Variants in ZFP57 observed in about 807,000 individuals in gnomAD.
The protein encoded by ZFP57 is zinc finger protein 57 homolog.
A neutral mutation model predicts 15.8 loss-of-function variants in ZFP57; 12 were observed. The ratio of observed to expected loss-of-function variants is 0.76; its 90% CI spans 0.49 to 1.23. The LOEUF is 1.23. ZFP57 is among the 50% of genes most tolerant of loss of function. The pLI is 0.00. For missense variants in ZFP57, 536 were observed against 654.9 expected (o/e 0.82, Z 1.98); for synonymous variants, 203 against 242.3 (o/e 0.84, Z 1.51).
Position 29,673,803 on chromosome 6 carries a change from T to C in ZFP57, c.353-45A>G. The stretch of plus-strand genomic sequence containing the variant: ...ATAACACAAAATTCACTGTAAGAAC[T>C]CCAACAGAGGCTTGGCATGGTGGCT... On this transcript the variant is annotated intron_variant, in intron 4 of 4. Transcript: ENST00000376883. The surrounding 1 kb of genome is among the most constrained non-coding windows in gnomAD (Gnocchi z 4.7). The C allele has an allele frequency of 6.2e-7, 1 of 1,610,368 alleles. No homozygotes were observed. Among genetic ancestry groups the C allele is most frequent in the Non-Finnish European group, 8.5e-7 (1 of 1,178,002 alleles).
rs1237022199 is a variant in ZFP57 at position 29,681,107 on chromosome 6, G to A, written c.-409C>T. The A allele has an allele frequency of 6.6e-6, 1 of 151,968 alleles. No homozygotes were observed. Among genetic ancestry groups the A allele is most frequent in the African/African-American group, 2.4e-5 (1 of 41,344 alleles). The allele number at this position is 151,968 out of a possible 1,614,324, so 9.4% of individuals were successfully genotyped here. On this transcript the variant is annotated 5_prime_UTR_variant, in exon 1 of 5. Coordinates refer to ENST00000376883, the MANE Select transcript of ZFP57 (RefSeq NM_001109809.5). ...CGATTTAGGGGCACAGGGTCTCCCGGGGACCAGCGGCTGGAGCGCTCCGGC... is the reference window on the plus strand; with the variant it reads ...CGATTTAGGGGCACAGGGTCTCCCGAGGACCAGCGGCTGGAGCGCTCCGGC...
chr6:29,672,693 T>C lies in ZFP57; in HGVS notation c.1418A>G (p.His473Arg). ...CTGGCCCAGGATCACCCGGCATTTA[T>C]GGTGGCTGCTCTGGCACAGGTCCTT... Reference protein sequence around the residue: ...KGKDLCQSSHHKCRVILGQWL... With the variant: ...KGKDLCQSSHRKCRVILGQWL... Residue 473 changes from histidine to arginine, a missense_variant, in exon 5 of 5, where the codon CAT becomes CGT. His to Arg is a conservative substitution (Grantham distance 29). Coordinates refer to ENST00000376883, the MANE Select transcript of ZFP57 (RefSeq NM_001109809.5). The C allele has an allele frequency of 6.2e-7, 1 of 1,612,720 alleles. No homozygotes were observed. Among genetic ancestry groups the C allele is most frequent in the South Asian group, 1.1e-5 (1 of 91,080 alleles).
intron 1 of ZFP57, among the ~76,000 whole-genome samples, 158 bp from the exon 2 acceptor site, chr6:29,677,524 T>C (rs1772135656): frequency 6.6e-6 from 1 of 152,278 alleles, no homozygotes; most frequent in Non-Finnish European, 1.5e-5. Context: ...CTTAAGGACC[T>C]AATGCAGAGA....
Position 29,673,080 on chromosome 6 carries a change from T to C in ZFP57, c.1031A>G (p.Gln344Arg), listed in dbSNP as rs758082902. ...TGCTTGGTTCTTAAGTACAGATGCC[T>C]GGTTCTGGGCCATAGGACCCTCAGT... The part of the protein sequence containing the change: ...FRTEGPMAQN[Q>R]ASVLKNQAPV... The change falls in exon 5 of 5, where the codon CAG becomes CGG. Residue 344 changes from glutamine (Q) to arginine (R), a missense_variant. Coordinates refer to ENST00000376883, the MANE Select transcript of ZFP57 (RefSeq NM_001109809.5). This position sits in a 1 kb window ranked among gnomAD's most constrained non-coding sequence, Gnocchi z 4.7. 1.1e-5 allele frequency: 18 copies of C among 1,612,994 alleles called. No homozygotes were observed. Among genetic ancestry groups the C allele is most frequent in the Non-Finnish European group, 1.5e-5 (18 of 1,180,020 alleles).
chr6:29,676,534 T>A (rs1583180378), intron 2 of ZFP57, among the ~76,000 whole-genome samples: 1 of 35,062 alleles, frequency 2.9e-5, no homozygotes, highest in African/African-American at 1.1e-4. Flanking sequence ...AGACTCCGTC[T>A]CAAAAAAAAA....
At chr6:29,677,768 TAC>T (rs9278235) in intron 1 of ZFP57, among the ~76,000 whole-genome samples, 36 of 149,612 alleles carry the variant, frequency 2.4e-4, no homozygotes, top group Admixed American at 6.0e-4. Context: ...ACCAAAATTA[TAC>T]ACACACACAC....
At chr6:29,679,112 T>C (rs1027294651) in intron 1 of ZFP57, among the ~76,000 whole-genome samples, 1 of 152,206 alleles carries the variant, frequency 6.6e-6, no homozygotes, top group African/African-American at 2.4e-5. Context: ...TACAGATCTT[T>C]GTGAAGAATA....
intron 4 of ZFP57, among the ~76,000 whole-genome samples, chr6:29,674,732 A>G (rs9257940): frequency 0.046 from 6,988 of 152,252 alleles, 207 homozygotes; most frequent in East Asian, 0.12. Context: ...CATGAAACCT[A>G]TCTCCTTTGC....
intron 1 of ZFP57, among the ~76,000 whole-genome samples, chr6:29,678,774 T>A (rs896448933): frequency 6.6e-5 from 10 of 152,362 alleles, no homozygotes; most frequent in African/African-American, 2.2e-4. Flanking sequence ...GTACTATTCA[T>A]GGTTTCAAAG....
chr6:29,676,125 T>TGTGTGTGTGTGTGTGA, intron 2 of ZFP57, 66 bp from the exon 3 acceptor site: 1 of 1,460,894 alleles, frequency 6.8e-7, no homozygotes, highest in Non-Finnish European at 9.5e-7. Flanking sequence ...TGTGTGTGTG[T>TGTGTGTGTGTGTGTGA]ACAAGATTAA....
chr6:29,676,405 G>A (rs374301979), intron 2 of ZFP57, among the ~76,000 whole-genome samples: 3 of 151,736 alleles, frequency 2.0e-5, no homozygotes, highest in East Asian at 1.9e-4. Flanking sequence ...GCATGGTGGC[G>A]CATGCCTGTA....
At chr6:29,676,206 T>G in intron 2 of ZFP57, 147 bp from the exon 3 acceptor site, 1 of 906,726 alleles carries the variant, frequency 1.1e-6, no homozygotes, top group South Asian at 1.7e-5. Context: ...GAGAGAAATA[T>G]TAAAAGACAG....
At chr6:29,676,150 A>G in intron 2 of ZFP57, 91 bp from the exon 3 acceptor site, 1 of 1,206,926 alleles carries the variant, frequency 8.3e-7, no homozygotes, top group Non-Finnish European at 1.1e-6. Context: ...CAGTCTCAAG[A>G]TTCAGAGAAT....
Position 29,675,463 on chromosome 6 carries a change from T to C in ZFP57, c.275A>G (p.Glu92Gly), listed in dbSNP as rs1442084428. The stretch of plus-strand genomic sequence containing the variant: ...TTCTTGCTCAAGCTTGGTGATTAGC[T>C]CTGGCTTATGCAGAAAGATTCTGGC... ...SVARIFLHKPELITKLEQEEE... is the reference protein window; with the variant it reads ...SVARIFLHKPGLITKLEQEEE... The change falls in exon 4 of 5, where the codon GAG (glutamate) becomes GGG (glycine). Residue 92 changes from glutamate to glycine, a missense_variant. Physicochemically the swap from Glu to Gly is moderately conservative, Grantham distance 98. Transcript: ENST00000376883. 14 of 1,614,084 alleles carry C rather than the reference T, an allele frequency of 8.7e-6. No homozygotes were observed. Among genetic ancestry groups the C allele is most frequent in the Non-Finnish European group, 1.2e-5 (14 of 1,180,012 alleles).
chr6:29,675,555 A>G, intron 3 of ZFP57, 68 bp from the exon 4 acceptor site: 2 of 1,237,088 alleles, frequency 1.6e-6, no homozygotes, highest in East Asian at 2.3e-5. Flanking sequence ...TGATGGGGAC[A>G]ACAGGCTACC....
At chr6:29,678,970 T>G (rs929880305) in intron 1 of ZFP57, among the ~76,000 whole-genome samples, 7 of 152,202 alleles carry the variant, frequency 4.6e-5, no homozygotes, top group African/African-American at 1.7e-4. Flanking sequence ...AAGGTTGCAG[T>G]GAGCCAAGAC....
chr6:29,675,173 A>AGAGAG lies in ZFP57; in HGVS notation c.352+212_352+213insCTCTC, dbSNP rs374535121. Among the ~76,000 whole-genome samples the AGAGAG allele has an allele frequency of 1.4e-4, 15 of 105,004 alleles. No individual in the cohort carries two copies. The South Asian group carries it at 2.9e-3, about 20-fold the overall frequency. The allele number at this position is 105,004 out of a possible 152,430, so 68.9% of individuals were successfully genotyped here. ...TCTCAAAAAAAAAAAAAAAAAAAAA[A>AGAGAG]AGAGAGAGAGAGAGAGACTTGGATC... On this transcript the variant is annotated intron_variant, in intron 4 of 4. Transcript: ENST00000376883.
At position 29,672,652 on chromosome 6, in the gene ZFP57, G is replaced by A. The variant is rs768898589; in HGVS notation, c.1459C>T (p.His487Tyr). The change falls in exon 5 of 5, where the codon CAT becomes TAT. Residue 487 changes from histidine to tyrosine, a missense_variant. By Grantham distance (83) the His-to-Tyr change is moderately conservative (BLOSUM62 2). Coordinates refer to ENST00000376883, the MANE Select transcript of ZFP57 (RefSeq NM_001109809.5). Reference sequence around the variant, plus strand: ...TCCCCAGCCATAGTGGGGACATCATGAGAGAAGCCAAGCCACTGGCCCAGG... The same window carrying A: ...TCCCCAGCCATAGTGGGGACATCATAAGAGAAGCCAAGCCACTGGCCCAGG... Reference protein sequence around the residue: ...VILGQWLGFSHDVPTMAGEEW... With the variant: ...VILGQWLGFSYDVPTMAGEEW... 26 of 1,611,336 alleles carry A rather than the reference G, an allele frequency of 1.6e-5. No individual in the cohort carries two copies. The highest frequency in any genetic ancestry group is 5.0e-5 in the Admixed American group (3 of 59,968).
chr6:29,679,950 G>A (rs62392954), intron 1 of ZFP57, among the ~76,000 whole-genome samples: 7,517 of 152,022 alleles, frequency 0.049, 322 homozygotes, highest in East Asian at 0.16. Flanking sequence ...CAAGAACCTG[G>A]CCTTCCAGTT....
Sources: allele counts gnomAD v4.1 joint callset (sites outside exome capture counted in the v4.1 genomes callset), GRCh38; gene constraint gnomAD v4.1.1; non-coding constraint Gnocchi (gnomAD v3.1); transcripts MANE v1.5; gene names NCBI Gene and HGNC (gene_info 2026-07-23, HGNC 2026-07-21).